Variants in LRRK1 observed in about 807,000 individuals in gnomAD.
LRRK1 encodes the protein leucine rich repeat kinase 1.
A neutral mutation model predicts 209.1 loss-of-function variants in LRRK1; 113 were observed. The ratio of observed to expected loss-of-function variants is 0.54; its 90% CI spans 0.46 to 0.63. The LOEUF is 0.63. Among genes scored for constraint, LRRK1 ranks in the 30% least tolerant of loss-of-function variants. The pLI is 0.00. For synonymous variants in LRRK1, 1,144 were observed against 1,099.7 expected (o/e 1.04, Z -0.80); for missense variants, 2,284 against 2,632.2 (o/e 0.87, Z 2.89).
intron 10 of LRRK1, among the ~76,000 whole-genome samples, chr15:101,013,056 C>T (rs1003111613): frequency 6.6e-6 from 1 of 152,090 alleles, no homozygotes; most frequent in African/African-American, 2.4e-5. Context: ...AGCCCAGAAG[C>T]AGCAAATCAG....
chr15:101,014,123 C>T (rs568604938), intron 10 of LRRK1, among the ~76,000 whole-genome samples, 193 bp from the exon 11 acceptor site: 80 of 152,208 alleles, frequency 5.3e-4, no homozygotes, highest in Non-Finnish European at 1.0e-3. Flanking sequence ...TAGATGGCCC[C>T]GTCGCACTGT....
chr15:101,052,061 G>C (rs2035487924), intron 24 of LRRK1, 101 bp downstream of exon 24: 2 of 1,400,674 alleles, frequency 1.4e-6, no homozygotes, highest in Non-Finnish European at 1.9e-6. Context: ...CTCTGGGGCG[G>C]GCAGGTGCCC....
At chr15:100,941,464 C>CTGTGTGTGTGTG (rs763355554) in intron 2 of LRRK1, among the ~76,000 whole-genome samples, 3 of 88,828 alleles carry the variant, frequency 3.4e-5, no homozygotes, top group South Asian at 4.1e-4. Context: ...GTCTATGTCT[C>CTGTGTGTGTGTG]TGTGTGTGTG....
At position 101,058,619 on chromosome 15, in the gene LRRK1, G is replaced by GGGGC. The variant is rs1555479990; in HGVS notation, c.4679+481_4679+482insCGGG. 6.4e-4 allele frequency among the ~76,000 whole-genome samples: 91 copies of GGGGC among 141,880 alleles called. 16 individuals carry two copies. The highest frequency in any genetic ancestry group is 2.6e-3 in the African/African-American group (87 of 33,218). The allele number at this position is 141,880 out of a possible 152,430, so 93.1% of individuals were successfully genotyped here. ...GCCCCAGATTGCAGAAGGGGCAACG[G>GGGGC]GGGGGGGCGTCTAAACAGAGTTGGG... On this transcript the variant is annotated intron_variant, in intron 29 of 33. Transcript: ENST00000388948.
At chr15:100,950,174 A>G (rs1244140312) in intron 2 of LRRK1, among the ~76,000 whole-genome samples, 1 of 152,274 alleles carries the variant, frequency 6.6e-6, no homozygotes, top group Non-Finnish European at 1.5e-5. Context: ...TCAAAATGTA[A>G]AAATCAATTG....
chr15:100,963,011 T>C (rs8041795), intron 2 of LRRK1, among the ~76,000 whole-genome samples: 102,466 of 146,470 alleles, frequency 0.7, 36,224 homozygotes, highest in Middle Eastern at 0.76. Context: ...TTAGTAGAGA[T>C]GGGGTTTCGC....
chr15:100,973,583 G>A (rs1472895655), intron 2 of LRRK1, among the ~76,000 whole-genome samples: 1 of 152,178 alleles, frequency 6.6e-6, no homozygotes, highest in Admixed American at 6.5e-5. Context: ...AGAATCCTCC[G>A]AGCTGCGCTC....
intron 20 of LRRK1, among the ~76,000 whole-genome samples, chr15:101,032,579 A>T (rs2034329846): frequency 1.3e-5 from 2 of 152,218 alleles, no homozygotes; most frequent in African/African-American, 4.8e-5. Flanking sequence ...ATATTTGCTT[A>T]TACCACAATC....
At chr15:100,956,455 C>CTTTTTCTTTTTTTTTTTT in intron 2 of LRRK1, among the ~76,000 whole-genome samples, 8 of 60,528 alleles carry the variant, frequency 1.3e-4, no homozygotes, top group East Asian at 4.7e-4. Flanking sequence ...TTTTTTTTTT[C>CTTTTTCTTTTTTTTTTTT]TTTTTTTTTT....
rs758106459 is a variant in LRRK1, at chr15:101,061,246, C to T, written c.4755C>T (p.Ser1585=). 6.2e-7 allele frequency: 1 copy of T among 1,614,120 alleles called. No homozygotes were observed. The highest frequency in any genetic ancestry group is 1.1e-5 in the South Asian group (1 of 91,074). Residue 1585 remains serine, a synonymous_variant, in exon 30 of 34, where the codon AGC becomes AGT. Coordinates refer to ENST00000388948, the MANE Select transcript of LRRK1 (RefSeq NM_024652.6). ...QRMCCPGMKV[S]CQLQVQRSLW... ...TGTGCTGCCCTGGGATGAAGGTGAG[C>T]TGCCAGCTCCAGGTCCAGAGATCCC...
chr15:100,992,976 G>A (rs929737305), intron 6 of LRRK1, among the ~76,000 whole-genome samples: 10 of 152,080 alleles, frequency 6.6e-5, no homozygotes, highest in African/African-American at 2.2e-4. Flanking sequence ...GTTCTTTTTT[G>A]AGAGTTTTGT....
At chr15:100,979,317 G>A (rs566550386) in intron 3 of LRRK1, among the ~76,000 whole-genome samples, 2 of 152,068 alleles carry the variant, frequency 1.3e-5, no homozygotes, top group African/African-American at 4.8e-5. Context: ...CTGAGATCAG[G>A]AACAAGGCAA....
At chr15:101,054,340 G>C (rs1171499398) in intron 26 of LRRK1, among the ~76,000 whole-genome samples, 3 of 152,178 alleles carry the variant, frequency 2.0e-5, no homozygotes, top group Non-Finnish European at 2.9e-5. Context: ...GTGAACTCTA[G>C]AGATTTCGAA....
chr15:101,054,980 C>A lies in LRRK1; in HGVS notation c.4089C>A (p.Thr1363=), dbSNP rs1227377287. Residue 1363 remains threonine, a synonymous_variant, in exon 27 of 34, where the codon ACC becomes ACA. Coordinates refer to ENST00000388948, the MANE Select transcript of LRRK1 (RefSeq NM_024652.6). ...TTATACCCCTGGGACACATGCTCAC[C>A]CAAAAAATAGCCTACCAGATCGCCT... ...SSFIPLGHML[T]QKIAYQIASG... The A allele has an allele frequency of 7.4e-6, 12 of 1,613,288 alleles. No individual in the cohort carries two copies. The highest frequency in any genetic ancestry group is 1.0e-5 in the Non-Finnish European group (12 of 1,179,770).
Position 101,069,973 on chromosome 15 carries a change from G to T in LRRK1, c.*1125G>T, listed in dbSNP as rs2141170464. ...TGGGGCTCCTTAAACCAGAATGGGA[G>T]TTTGAAAGAGAGATCATACTCCAGC... On this transcript the variant is annotated 3_prime_UTR_variant, in exon 34 of 34. Coordinates refer to ENST00000388948, the MANE Select transcript of LRRK1 (RefSeq NM_024652.6). 2 of 152,348 alleles carry T rather than the reference G, an allele frequency of 1.3e-5. No homozygotes were observed. Among genetic ancestry groups the T allele is most frequent in the South Asian group, 4.1e-4 (2 of 4,832 alleles). The allele number at this position is 152,348 out of a possible 1,614,324, so 9.4% of individuals were successfully genotyped here.
At position 101,058,617 on chromosome 15, in the gene LRRK1, C is replaced by CGGGGAGTG. The variant is rs10668251; in HGVS notation, c.4679+480_4679+481insAGTGGGGG. ...CTGCCCCAGATTGCAGAAGGGGCAA[C>CGGGGAGTG]GGGGGGGGGCGTCTAAACAGAGTTG... On this transcript the variant is annotated intron_variant, in intron 29 of 33. Coordinates refer to ENST00000388948, the MANE Select transcript of LRRK1 (RefSeq NM_024652.6). 5.5e-3 allele frequency among the ~76,000 whole-genome samples: 411 copies of CGGGGAGTG among 75,320 alleles called. 41 individuals carry two copies. The highest frequency in any genetic ancestry group is 9.6e-3 in the East Asian group (26 of 2,718). 49.4% of individuals were successfully genotyped at this position (75,320 alleles called of 152,430 possible). A position where few individuals can be genotyped will look rare whatever the true frequency, so the allele number is the denominator to read the frequency against.
At chr15:101,015,154 G>A (rs900563934) in intron 11 of LRRK1, among the ~76,000 whole-genome samples, 172 bp from the exon 12 acceptor site, 1 of 152,214 alleles carries the variant, frequency 6.6e-6, no homozygotes, top group African/African-American at 2.4e-5. Flanking sequence ...TGCGGGGAGG[G>A]GTGGGGGCAG....
At chr15:101,045,556 C>A (rs1168193086) in intron 20 of LRRK1, among the ~76,000 whole-genome samples, 2 of 152,136 alleles carry the variant, frequency 1.3e-5, no homozygotes, top group African/African-American at 4.8e-5. Flanking sequence ...TACTCTGACC[C>A]TAATATCTGC....
intron 20 of LRRK1, among the ~76,000 whole-genome samples, chr15:101,031,519 A>T (rs144462909): frequency 1.1e-3 from 174 of 152,316 alleles, no homozygotes; most frequent in African/African-American, 4.1e-3. Flanking sequence ...CTTGATAGGC[A>T]TTTGGATGGT....
Sources: gnomAD v4.1 joint callset for allele counts (sites outside exome capture counted in the v4.1 genomes callset) on GRCh38, gnomAD v4.1.1 for gene constraint, MANE v1.5 for transcripts, NCBI Gene and HGNC (gene_info 2026-07-23, HGNC 2026-07-21) for gene names.